Variants in ADGRL3 observed in about 807,000 individuals in gnomAD.
ADGRL3 encodes calcium-independent alpha-latrotoxin receptor 3.
Under a neutral mutation model 153.5 loss-of-function variants are expected in ADGRL3, and 62 were observed. The observed-to-expected ratio is 0.40, with a 90% CI of 0.33 to 0.50. The LOEUF (loss-of-function observed/expected upper bound fraction) is 0.50, where lower values mean the gene tolerates loss of function less well. ADGRL3 is among the 20% of genes least tolerant of loss of function. The pLI, the probability that ADGRL3 is intolerant of heterozygous loss-of-function variation, is 0.47. For missense variants in ADGRL3, 1,641 were observed against 1,859.4 expected (o/e 0.88, Z 2.16); for synonymous variants, 710 against 672.5 (o/e 1.06, Z -0.86).
At chr4:61,573,367 C>T (rs764848406) in intron 4 of ADGRL3, among the ~76,000 whole-genome samples, 48 of 151,786 alleles carry the variant, frequency 3.2e-4, no homozygotes, top group Non-Finnish European at 6.2e-4. Flanking sequence ...AACCATGGCT[C>T]CCTATAAAGA....
At chr4:61,775,812 G>A (rs2097141276) in intron 8 of ADGRL3, 2 of 677,350 alleles carry the variant, frequency 3.0e-6, no homozygotes, top group South Asian at 1.8e-5. Context: ...CAGTATTAAC[G>A]TCCATTACGC....
At chr4:61,967,963 G>A (rs1330761038) in intron 17 of ADGRL3, among the ~76,000 whole-genome samples, 1 of 152,130 alleles carries the variant, frequency 6.6e-6, no homozygotes, top group Non-Finnish European at 1.5e-5. Context: ...AAGGCAGAGG[G>A]CAAGAGAATA....
intron 1 of ADGRL3, among the ~76,000 whole-genome samples, chr4:61,257,146 C>T (rs1292310006): frequency 1.3e-5 from 2 of 152,230 alleles, no homozygotes; most frequent in East Asian, 3.9e-4. Context: ...TTTTATTTCA[C>T]CTTCCAATAT....
At chr4:61,326,042 A>G (rs2095457536) in intron 1 of ADGRL3, among the ~76,000 whole-genome samples, 1 of 152,128 alleles carries the variant, frequency 6.6e-6, no homozygotes, top group Non-Finnish European at 1.5e-5. Context: ...TAAGATGAGA[A>G]CCCAGGTGTG....
chr4:61,453,308 C>T (rs992307912), intron 2 of ADGRL3, among the ~76,000 whole-genome samples: 1 of 152,102 alleles, frequency 6.6e-6, no homozygotes, highest in Non-Finnish European at 1.5e-5. Flanking sequence ...TGGAAAGACT[C>T]CATTAAGAAG....
intron 2 of ADGRL3, among the ~76,000 whole-genome samples, chr4:61,413,890 A>G (rs6835059): frequency 0.93 from 142,171 of 152,296 alleles, 67,139 homozygotes; most frequent in East Asian, 1. Flanking sequence ...ATCTTCTTAC[A>G]TTTGTTTTAC....
At chr4:61,903,980 G>C (rs116114070) in intron 11 of ADGRL3, among the ~76,000 whole-genome samples, 2,068 of 151,390 alleles carry the variant, frequency 0.014, 55 homozygotes, top group African/African-American at 0.048. Context: ...TGTTGCCCAG[G>C]CTGGTCTCCA....
chr4:61,259,370 C>A (rs2092313727), intron 1 of ADGRL3, among the ~76,000 whole-genome samples: 1 of 151,832 alleles, frequency 6.6e-6, no homozygotes, highest in Admixed American at 6.6e-5. Flanking sequence ...TTGCAGTGAG[C>A]CGAGATTGCG....
intron 8 of ADGRL3, among the ~76,000 whole-genome samples, chr4:61,771,430 G>T (rs2097085090): frequency 6.6e-6 from 1 of 152,134 alleles, no homozygotes; most frequent in Admixed American, 6.5e-5. Flanking sequence ...CTCCAGTTAA[G>T]CCCATTTCCG....
intron 19 of ADGRL3, among the ~76,000 whole-genome samples, chr4:61,987,822 A>T (rs1447940228): frequency 1.3e-5 from 2 of 151,966 alleles, no homozygotes; most frequent in Non-Finnish European, 2.9e-5. Context: ...AAAACCATTG[A>T]ATATCTATTA....
At chr4:61,354,072 G>C (rs1017842744) in intron 1 of ADGRL3, among the ~76,000 whole-genome samples, 2 of 151,910 alleles carry the variant, frequency 1.3e-5, no homozygotes. Flanking sequence ...ACATTTACTG[G>C]TTGCTTACTA....
At chr4:61,267,353 C>T (rs965521980) in intron 1 of ADGRL3, among the ~76,000 whole-genome samples, 1 of 151,734 alleles carries the variant, frequency 6.6e-6, no homozygotes, top group Non-Finnish European at 1.5e-5. Flanking sequence ...ATAAGAGTCA[C>T]ACAGAGAGAA....
At chr4:61,982,494 T>C (rs149458967) in intron 18 of ADGRL3, among the ~76,000 whole-genome samples, 109 of 152,330 alleles carry the variant, frequency 7.2e-4, no homozygotes, top group African/African-American at 2.2e-3. Flanking sequence ...TTTCTGTTAC[T>C]CTGATAACTT....
chr4:61,953,492 G>C (rs899292226), intron 17 of ADGRL3, among the ~76,000 whole-genome samples: 1 of 152,108 alleles, frequency 6.6e-6, no homozygotes, highest in Non-Finnish European at 1.5e-5. Flanking sequence ...ACATCATAAA[G>C]ATACTGACAC....
intron 1 of ADGRL3, among the ~76,000 whole-genome samples, chr4:61,351,327 C>T (rs1042715939): frequency 6.6e-6 from 1 of 152,148 alleles, no homozygotes; most frequent in African/African-American, 2.4e-5. Context: ...AAGCCATCTC[C>T]ATAACATAAA....
chr4:61,771,723 C>CA (rs2097089401), intron 8 of ADGRL3, among the ~76,000 whole-genome samples: 1 of 152,112 alleles, frequency 6.6e-6, no homozygotes, highest in African/African-American at 2.4e-5. Flanking sequence ...AACCACTCCC[C>CA]ACCACCTTTT....
chr4:61,646,844 G>C (rs1193839910), intron 5 of ADGRL3, among the ~76,000 whole-genome samples: 1 of 152,224 alleles, frequency 6.6e-6, no homozygotes, highest in African/African-American at 2.4e-5. Context: ...ACCTAATCAA[G>C]CCTGGGCAAT....
chr4:61,804,032 T>TA (rs1306186268), intron 8 of ADGRL3, among the ~76,000 whole-genome samples: 1 of 152,222 alleles, frequency 6.6e-6, no homozygotes, highest in Non-Finnish European at 1.5e-5. Context: ...GACAGCATTT[T>TA]AGCACACAGA....
chr4:61,885,212 C>T (rs2098531287), intron 9 of ADGRL3, among the ~76,000 whole-genome samples: 1 of 151,976 alleles, frequency 6.6e-6, no homozygotes, highest in Non-Finnish European at 1.5e-5. Flanking sequence ...GCCTGTAATC[C>T]CAGCTACTCA....
Sources: gnomAD v4.1 joint callset for allele counts (sites outside exome capture counted in the v4.1 genomes callset) on GRCh38, gnomAD v4.1.1 for gene constraint, MANE v1.5 for transcripts, NCBI Gene and HGNC (gene_info 2026-07-23, HGNC 2026-07-21) for gene names.